Variants in GPD2 observed in about 807,000 individuals in gnomAD.
GPD2 encodes the protein glycerol-3-phosphate dehydrogenase 2, also known as glycerol-3-phosphate dehydrogenase, mitochondrial.
GPD2 carries 54 observed loss-of-function variants against 82.4 expected under a neutral mutation model. The observed-to-expected ratio is 0.66, with a 90% CI of 0.53 to 0.82. GPD2 has a LOEUF of 0.82. Among genes scored for constraint, GPD2 ranks in the 40% least tolerant of loss-of-function variants. The pLI is 0.00. For synonymous variants in GPD2, 288 were observed against 306.1 expected (o/e 0.94, Z 0.62); for missense variants, 748 against 896.2 (o/e 0.83, Z 2.11).
At chr2:156,495,906 A>G (rs297581) in intron 2 of GPD2, 138 bp from the exon 3 acceptor site, 247,578 of 667,828 alleles carry the variant, frequency 0.37, 49,893 homozygotes, top group Middle Eastern at 0.44. Flanking sequence ...AGTTGGTCCT[A>G]TAACTCTATG....
intron 1 of GPD2, among the ~76,000 whole-genome samples, chr2:156,445,507 G>A (rs1038781211): frequency 6.6e-6 from 1 of 152,276 alleles, no homozygotes; most frequent in Non-Finnish European, 1.5e-5. Flanking sequence ...TGCATACATA[G>A]CACAGCATGC....
At chr2:156,573,475 T>C (rs902533036) in intron 13 of GPD2, among the ~76,000 whole-genome samples, 4 of 152,134 alleles carry the variant, frequency 2.6e-5, no homozygotes, top group Admixed American at 1.3e-4. Context: ...CTTTTTACCA[T>C]ATAGAAGGAT....
intron 10 of GPD2, 84 bp downstream of exon 10, chr2:156,569,043 G>A (rs949866128): frequency 2.8e-5 from 32 of 1,154,698 alleles, no homozygotes; most frequent in Non-Finnish European, 3.5e-5. Flanking sequence ...TGCCCAGGAG[G>A]GTCTTGAACT....
At chr2:156,451,721 G>T (rs1239945038) in intron 1 of GPD2, among the ~76,000 whole-genome samples, 3 of 144,058 alleles carry the variant, frequency 2.1e-5, no homozygotes, top group African/African-American at 7.7e-5. Context: ...CCTCCCGGAC[G>T]GGGCGGCTGG....
chr2:156,568,731 T>C, intron 9 of GPD2, 94 bp from the exon 10 acceptor site: 1 of 1,086,642 alleles, frequency 9.2e-7, no homozygotes, highest in Non-Finnish European at 1.4e-6. Flanking sequence ...CACATGTGTA[T>C]TCCTGTCACC....
At chr2:156,570,566 A>G (rs1339454831) in intron 12 of GPD2, among the ~76,000 whole-genome samples, 1 of 152,120 alleles carries the variant, frequency 6.6e-6, no homozygotes, top group Non-Finnish European at 1.5e-5. Context: ...CAGTTTCTCA[A>G]AGGTTTAGGT....
chr2:156,518,871 T>G (rs1335719540), intron 6 of GPD2, among the ~76,000 whole-genome samples: 2 of 152,216 alleles, frequency 1.3e-5, no homozygotes, highest in Non-Finnish European at 2.9e-5. Context: ...AATGTGGATT[T>G]ACAAACAGAA....
intron 3 of GPD2, among the ~76,000 whole-genome samples, chr2:156,496,668 A>G (rs201563303): frequency 4.7e-5 from 1 of 21,386 alleles, no homozygotes; most frequent in African/African-American, 5.1e-5. Flanking sequence ...TAAAAAGAAA[A>G]CTATATTTTA....
intron 1 of GPD2, among the ~76,000 whole-genome samples, chr2:156,444,851 C>T (rs1240309153): frequency 6.6e-6 from 1 of 152,176 alleles, no homozygotes; most frequent in African/African-American, 2.4e-5. Flanking sequence ...TCCTACGTCA[C>T]GCGATTCTTC....
Position 156,528,887 on chromosome 2 carries a change from C to T in GPD2, c.661+15391C>T, listed in dbSNP as rs140925723. On this transcript the variant is annotated intron_variant, in intron 6 of 16. Coordinates refer to ENST00000438166, the MANE Select transcript of GPD2 (RefSeq NM_000408.5). ...AAGTCTTTGCTATCGTGAATAATGCCGCAGTAAACATAGTGTGCATGTGTC... is the reference window on the plus strand; with the variant it reads ...AAGTCTTTGCTATCGTGAATAATGCTGCAGTAAACATAGTGTGCATGTGTC... Among the ~76,000 whole-genome samples the T allele has an allele frequency of 5.4e-4, 82 of 152,150 alleles. No individual in the cohort carries two copies. In the East Asian group the frequency reaches 0.012, roughly 23 times the overall value.
chr2:156,498,398 G>C (rs1163823598), intron 3 of GPD2, among the ~76,000 whole-genome samples: 1 of 152,166 alleles, frequency 6.6e-6, no homozygotes. Context: ...GAATGGTCAG[G>C]AGTGGGAAAC....
chr2:156,541,225 A>G (rs1442033395), intron 6 of GPD2, among the ~76,000 whole-genome samples: 1 of 152,196 alleles, frequency 6.6e-6, no homozygotes, highest in Non-Finnish European at 1.5e-5. Flanking sequence ...AAGCATATAC[A>G]CCTGTGAAAG....
At chr2:156,418,723 C>G in the GPD2 span, among the ~76,000 whole-genome samples, 2 of 152,048 alleles carry the variant, frequency 1.3e-5, no homozygotes, top group African/African-American at 4.8e-5. Flanking sequence ...GATTCCAAAG[C>G]TTTCATACAA....
chr2:156,433,875 A>G (rs1688352999), upstream of GPD2, among the ~76,000 whole-genome samples: 1 of 152,166 alleles, frequency 6.6e-6, no homozygotes, highest in South Asian at 2.1e-4. Context: ...TGATGGTCCC[A>G]TTTCCCAAGC....
the GPD2 span, among the ~76,000 whole-genome samples, chr2:156,409,208 T>C: frequency 1.3e-5 from 2 of 152,176 alleles, no homozygotes; most frequent in African/African-American, 2.4e-5. Flanking sequence ...GCCACACAAT[T>C]GGTGATACTT....
intron 1 of GPD2, among the ~76,000 whole-genome samples, chr2:156,470,016 G>T (rs1175021401): frequency 1.3e-5 from 2 of 152,086 alleles, no homozygotes; most frequent in East Asian, 3.9e-4. Context: ...TACACACAGG[G>T]CTGCTGGTTG....
chr2:156,501,874 T>C (rs74938054), intron 3 of GPD2: 2,778 of 169,328 alleles, frequency 0.016, 93 homozygotes, highest in African/African-American at 0.062. Context: ...AAAAGACTAC[T>C]GATAAGGGAA....
intron 9 of GPD2, among the ~76,000 whole-genome samples, chr2:156,563,147 T>A (rs578229023): frequency 1.3e-5 from 2 of 152,298 alleles, no homozygotes; most frequent in African/African-American, 4.8e-5. Context: ...GGCCCAAGCG[T>A]TCTTGCTTTG....
At chr2:156,451,866 C>A (rs1426602176) in intron 1 of GPD2, among the ~76,000 whole-genome samples, 1 of 150,472 alleles carries the variant, frequency 6.6e-6, no homozygotes, top group Non-Finnish European at 1.5e-5. Flanking sequence ...AGGGTCTCCT[C>A]ACTTCTCAGA....
Sources: gnomAD v4.1 joint callset for allele counts (sites outside exome capture counted in the v4.1 genomes callset) on GRCh38, gnomAD v4.1.1 for gene constraint, MANE v1.5 for transcripts, NCBI Gene and HGNC (gene_info 2026-07-23, HGNC 2026-07-21) for gene names.